The following UMAD1 variants were observed in gnomAD, a reference collection of about 807,000 sequenced individuals.
UMAD1 encodes the protein UBAP1-MVB12-associated (UMA)-domain containing protein 1.
In UMAD1, 8 loss-of-function variants were observed where a neutral mutation model predicts 6.1. The ratio of observed to expected loss-of-function variants is 1.30; its 90% CI spans 0.76 to 2.35. The LOEUF (loss-of-function observed/expected upper bound fraction) is 2.35. UMAD1 is among the 30% of genes most tolerant of loss of function. The pLI, the probability that UMAD1 is intolerant of heterozygous loss-of-function variation, is 0.00. For missense variants in UMAD1, 130 were observed against 78.4 expected, an observed-to-expected ratio of 1.66 and a Z score of -2.49; for synonymous variants, 56 against 31.4, an observed-to-expected ratio of 1.78 and a Z score of -2.61.
At chr7:7,718,771 C>CT (rs1780983684) in intron 2 of UMAD1, among the ~76,000 whole-genome samples, 1 of 152,084 alleles carries the variant, frequency 6.6e-6, no homozygotes, top group Admixed American at 6.5e-5. Flanking sequence ...AGGAACCTTT[C>CT]TTTTTTCTTT....
At chr7:7,711,499 C>A (rs1191730989) in intron 2 of UMAD1, among the ~76,000 whole-genome samples, 1 of 152,158 alleles carries the variant, frequency 6.6e-6, no homozygotes, top group Non-Finnish European at 1.5e-5. Flanking sequence ...ATATTATACT[C>A]TATCCTTTTT....
intron 2 of UMAD1, among the ~76,000 whole-genome samples, chr7:7,688,940 A>G (rs1489632180): frequency 6.6e-6 from 1 of 152,168 alleles, no homozygotes; most frequent in Non-Finnish European, 1.5e-5. Flanking sequence ...TAACTTATCT[A>G]TTACTTGGAT....
At chr7:7,649,743 TC>T (rs1785181999) in intron 1 of UMAD1, among the ~76,000 whole-genome samples, 2 of 152,038 alleles carry the variant, frequency 1.3e-5, no homozygotes, top group Non-Finnish European at 2.9e-5. Flanking sequence ...TGTTTGTCTC[TC>T]TCCCCCCACC....
chr7:7,875,781 A>G (rs144765786), intron 3 of UMAD1, among the ~76,000 whole-genome samples: 1 of 152,350 alleles, frequency 6.6e-6, no homozygotes, highest in African/African-American at 2.4e-5. Context: ...AGCAGTGAAC[A>G]TGAGCTACAA....
intron 2 of UMAD1, among the ~76,000 whole-genome samples, chr7:7,728,088 A>G (rs141110452): frequency 6.6e-5 from 10 of 152,202 alleles, no homozygotes; most frequent in African/African-American, 2.2e-4. Flanking sequence ...ATTCTGTGGT[A>G]AAATGCCCCA....
chr7:7,806,268 C>T (rs1007063466), intron 3 of UMAD1, among the ~76,000 whole-genome samples: 1 of 150,866 alleles, frequency 6.6e-6, no homozygotes, highest in African/African-American at 2.4e-5. Context: ...CTTCCCCCCT[C>T]TAAAATCCCT....
intron 1 of UMAD1, among the ~76,000 whole-genome samples, chr7:7,662,627 G>A (rs1785504068): frequency 1.3e-5 from 2 of 152,212 alleles, no homozygotes; most frequent in South Asian, 2.1e-4. Flanking sequence ...GTTTCTGTTC[G>A]CCCTCCTTGG....
chr7:7,720,547 G>A (rs1781026232), intron 2 of UMAD1, among the ~76,000 whole-genome samples: 1 of 152,048 alleles, frequency 6.6e-6, no homozygotes, highest in Non-Finnish European at 1.5e-5. Context: ...TGACTAGTAA[G>A]CTTCCTAATT....
chr7:7,766,770 T>A (rs1449147599), intron 2 of UMAD1, among the ~76,000 whole-genome samples: 1 of 152,230 alleles, frequency 6.6e-6, no homozygotes, highest in Non-Finnish European at 1.5e-5. Context: ...TGTGTACTTG[T>A]TTATCTAAGA....
chr7:7,856,178 CA>C (rs1167063729), intron 3 of UMAD1, among the ~76,000 whole-genome samples: 1 of 152,216 alleles, frequency 6.6e-6, no homozygotes. Context: ...TCCACATTAT[CA>C]GGTATCTTAA....
intron 1 of UMAD1, among the ~76,000 whole-genome samples, chr7:7,645,373 T>TA (rs1314638158): frequency 4.6e-5 from 7 of 152,172 alleles, no homozygotes; most frequent in African/African-American, 1.7e-4. Context: ...ACTTAGTACT[T>TA]ATGTGGTAGT....
intron 2 of UMAD1, among the ~76,000 whole-genome samples, chr7:7,722,866 A>G (rs1781075332): frequency 6.6e-6 from 1 of 152,196 alleles, no homozygotes; most frequent in African/African-American, 2.4e-5. Flanking sequence ...GAGGACCCTG[A>G]TGAAGCTGGG....
chr7:7,784,497 G>A (rs1313677092), intron 2 of UMAD1, among the ~76,000 whole-genome samples: 3 of 149,608 alleles, frequency 2.0e-5, no homozygotes, highest in African/African-American at 7.6e-5. Context: ...CACCATGCCC[G>A]GCTAATTTTT....
intron 2 of UMAD1, among the ~76,000 whole-genome samples, chr7:7,747,540 A>G (rs1373784539): frequency 6.6e-6 from 1 of 152,230 alleles, no homozygotes; most frequent in Non-Finnish European, 1.5e-5. Context: ...GTCAAATCTT[A>G]GGTTATCATG....
intron 2 of UMAD1, among the ~76,000 whole-genome samples, chr7:7,729,742 C>CCATTCTCTTTTCTACCCCAGT (rs1781211324): frequency 6.6e-6 from 1 of 152,174 alleles, no homozygotes; most frequent in East Asian, 1.9e-4. Context: ...GTGGAGCCAG[C>CCATTCTCTTTTCTACCCCAGT]CATTCTCTTT....
intron 3 of UMAD1, among the ~76,000 whole-genome samples, chr7:7,817,518 A>T (rs1179107224): frequency 1.3e-5 from 2 of 152,206 alleles, no homozygotes; most frequent in East Asian, 3.8e-4. Context: ...TCCGAAGTGA[A>T]TTATTCTCAC....
chr7:7,746,955 T>TTGTGTG (rs36223422), intron 2 of UMAD1, among the ~76,000 whole-genome samples: 96 of 148,620 alleles, frequency 6.5e-4, no homozygotes, highest in African/African-American at 1.9e-3. Flanking sequence ...GAGTGCATGT[T>TTGTGTG]TGTGTGTGTG....
intron 1 of UMAD1, among the ~76,000 whole-genome samples, chr7:7,656,310 A>G (rs1425495235): frequency 6.6e-6 from 1 of 151,994 alleles, no homozygotes; most frequent in African/African-American, 2.4e-5. Flanking sequence ...ATGTATTTAA[A>G]AAAATTTTTT....
At chr7:7,835,516 A>G (rs10239674) in intron 3 of UMAD1, among the ~76,000 whole-genome samples, 7,134 of 118,058 alleles carry the variant, frequency 0.06, 777 homozygotes, top group African/African-American at 0.21. Flanking sequence ...TTAGCAATAT[A>G]TAGAAGTGAG....
Sources: gnomAD v4.1 joint callset for allele counts (sites outside exome capture counted in the v4.1 genomes callset) on GRCh38, gnomAD v4.1.1 for gene constraint, MANE v1.5 for transcripts, NCBI Gene and HGNC (gene_info 2026-07-23, HGNC 2026-07-21) for gene names.